FHIT: variants seen among roughly 807,000 people sequenced by gnomAD.
FHIT encodes the protein bis(5'-adenosyl)-triphosphatase.
A neutral mutation model predicts 17.9 loss-of-function variants in FHIT; 19 were observed. That is an observed-to-expected ratio of 1.06 (90% CI 0.74 to 1.56). The LOEUF is 1.56. Ranked by LOEUF, FHIT falls within the 40% of genes most tolerant of loss-of-function variation. The pLI is 0.00. For missense variants in FHIT, 248 were observed against 189.2 expected (o/e 1.31, Z -1.82); for synonymous variants, 81 against 69.7 (o/e 1.16, Z -0.81).
At chr3:60,926,285 A>G (rs1161586813) in intron 3 of FHIT, among the ~76,000 whole-genome samples, 2 of 152,194 alleles carry the variant, frequency 1.3e-5, no homozygotes, top group Non-Finnish European at 2.9e-5. Context: ...ACCTATTCCA[A>G]AATTGACTAC....
intron 5 of FHIT, among the ~76,000 whole-genome samples, chr3:60,124,003 TATATATAGAGAGAGAGAGAG>T (rs1705400931): frequency 4.1e-5 from 1 of 24,590 alleles, no homozygotes; most frequent in Admixed American, 4.8e-4. Flanking sequence ...TATATATATA[TATATATAGAGAGAGAGAGAG>T]AGAGAGAGAG....
In FHIT at chr3:60,222,426, T is replaced by C. The variant is rs369353373; in HGVS notation, c.104-208274A>G. Among the ~76,000 whole-genome samples, 7 of 152,300 alleles carry C rather than the reference T, an allele frequency of 4.6e-5. No homozygotes were observed. The East Asian group carries it at 7.7e-4, about 17-fold the overall frequency. ...TACCAACTTTCACTCAATGCTCTTT[T>C]CACCTTTTTACAATAGCCTCACACT... On this transcript the variant is annotated intron_variant, in intron 5 of 9. Coordinates refer to ENST00000492590, the MANE Select transcript of FHIT (RefSeq NM_002012.4).
In FHIT at chr3:60,821,912, A is replaced by C. The variant is rs2106771006; in HGVS notation, c.-18+7T>G. The C allele has an allele frequency of 6.6e-6, 1 of 152,280 alleles. No homozygotes were observed. The highest frequency in any genetic ancestry group is 3.4e-3 in the Middle Eastern group (1 of 294). The allele number at this position is 152,280 out of a possible 1,614,324, so 9.4% of individuals were successfully genotyped here. ...TTGAAAAAAAAATCAAAATTAAGTA[A>C]ACCTACCTTTCAGAAGACTGCTACC... On this transcript the variant is annotated splice_region_variant and intron_variant, in intron 4 of 9. Transcript: ENST00000492590.
chr3:60,297,188 G>A (rs1028127296), intron 5 of FHIT, among the ~76,000 whole-genome samples: 3 of 151,902 alleles, frequency 2.0e-5, no homozygotes, highest in African/African-American at 4.8e-5. Context: ...AATTGTTGCT[G>A]ATATTTTCAT....
chr3:60,510,415 G>A (rs922992775), intron 5 of FHIT, among the ~76,000 whole-genome samples: 2 of 152,194 alleles, frequency 1.3e-5, no homozygotes, highest in African/African-American at 4.8e-5. Context: ...GACCCCCTAA[G>A]AAGTATTCTC....
chr3:60,450,611 G>A (rs1440527254), intron 5 of FHIT, among the ~76,000 whole-genome samples: 1 of 152,104 alleles, frequency 6.6e-6, no homozygotes, highest in Non-Finnish European at 1.5e-5. Context: ...AAAATGAGGA[G>A]CTGCAGGTCA....
intron 3 of FHIT, among the ~76,000 whole-genome samples, chr3:60,885,666 C>G (rs1303046654): frequency 1.3e-5 from 2 of 152,238 alleles, no homozygotes; most frequent in Non-Finnish European, 2.9e-5. Flanking sequence ...CTCACTACCC[C>G]AGTCACTTTG....
intron 8 of FHIT, among the ~76,000 whole-genome samples, chr3:59,912,900 T>C (rs1704951078): frequency 6.6e-6 from 1 of 152,158 alleles, no homozygotes; most frequent in Admixed American, 6.5e-5. Context: ...TGTTATGACA[T>C]GAATACACTA....
At chr3:61,001,187 G>T (rs1197745421) in intron 3 of FHIT, among the ~76,000 whole-genome samples, 1 of 152,144 alleles carries the variant, frequency 6.6e-6, no homozygotes, top group Non-Finnish European at 1.5e-5. Context: ...AGAGACACTA[G>T]ATCACTCAGA....
At chr3:59,902,648 C>T (rs1704385033) in intron 8 of FHIT, among the ~76,000 whole-genome samples, 1 of 152,074 alleles carries the variant, frequency 6.6e-6, no homozygotes, top group Non-Finnish European at 1.5e-5. Context: ...TTCGCAAAAA[C>T]ATGATAAAAC....
At chr3:61,117,820 A>G (rs764890362) in intron 2 of FHIT, among the ~76,000 whole-genome samples, 6 of 152,102 alleles carry the variant, frequency 3.9e-5, no homozygotes, top group Non-Finnish European at 7.4e-5. Flanking sequence ...CTAATTGCCT[A>G]TGTTCCCTTT....
intron 5 of FHIT, among the ~76,000 whole-genome samples, chr3:60,228,392 A>T (rs1289843692): frequency 1.3e-5 from 2 of 152,186 alleles, no homozygotes; most frequent in African/African-American, 2.4e-5. Flanking sequence ...AATAGACAGG[A>T]GTAGTTATGA....
At chr3:61,251,040 G>T (rs1055627681) in intron 1 of FHIT, among the ~76,000 whole-genome samples, 1 of 152,206 alleles carries the variant, frequency 6.6e-6, no homozygotes, top group Non-Finnish European at 1.5e-5. Flanking sequence ...CGCTGGCGTG[G>T]CCCCGTGCCT....
At chr3:60,405,430 C>T (rs1701820620) in intron 5 of FHIT, among the ~76,000 whole-genome samples, 2 of 152,228 alleles carry the variant, frequency 1.3e-5, no homozygotes, top group South Asian at 4.1e-4. Flanking sequence ...GGACCACCCG[C>T]ATGACCCCTC....
intron 8 of FHIT, among the ~76,000 whole-genome samples, chr3:59,921,575 G>A (rs1021377275): frequency 6.6e-6 from 1 of 152,176 alleles, no homozygotes; most frequent in Non-Finnish European, 1.5e-5. Flanking sequence ...TCACTCCAGG[G>A]CACTAGTGCT....
chr3:60,095,392 C>G (rs1317562205), intron 5 of FHIT, among the ~76,000 whole-genome samples: 1 of 152,142 alleles, frequency 6.6e-6, no homozygotes, highest in African/African-American at 2.4e-5. Context: ...TATTGTTTTT[C>G]AATTGCTTCT....
At chr3:60,337,263 T>G (rs900176810) in intron 5 of FHIT, among the ~76,000 whole-genome samples, 1 of 152,022 alleles carries the variant, frequency 6.6e-6, no homozygotes, top group Non-Finnish European at 1.5e-5. Flanking sequence ...TTCCGCCCAC[T>G]AGGAAGACAT....
At chr3:60,550,929 T>C (rs938921820) in intron 4 of FHIT, among the ~76,000 whole-genome samples, 9 of 152,022 alleles carry the variant, frequency 5.9e-5, no homozygotes, top group African/African-American at 1.4e-4. Context: ...AAGGAAATGA[T>C]CAAAATCCAA....
At chr3:60,824,701 G>A (rs1434992828) in intron 3 of FHIT, among the ~76,000 whole-genome samples, 1 of 151,924 alleles carries the variant, frequency 6.6e-6, no homozygotes, top group African/African-American at 2.4e-5. Flanking sequence ...CATGGGGGTG[G>A]GTCTCTCCCA....
Sources: gnomAD v4.1 joint callset for allele counts (sites outside exome capture counted in the v4.1 genomes callset) on GRCh38, gnomAD v4.1.1 for gene constraint, MANE v1.5 for transcripts, NCBI Gene and HGNC (gene_info 2026-07-23, HGNC 2026-07-21) for gene names.